PRLR: variants seen among roughly 807,000 people sequenced by gnomAD.
PRLR encodes prolactin receptor.
In PRLR, 13 loss-of-function variants were observed where a neutral mutation model predicts 40.2. That is an observed-to-expected ratio of 0.32 (90% CI 0.21 to 0.51). The LOEUF is 0.51. Among genes scored for constraint, PRLR ranks in the 20% least tolerant of loss-of-function variants. PRLR has a pLI of 0.97. For missense variants in PRLR, 656 were observed against 747.3 expected, an observed-to-expected ratio of 0.88 and a Z score of 1.42; for synonymous variants, 269 against 278.7, an observed-to-expected ratio of 0.97 and a Z score of 0.35.
downstream of PRLR, among the ~76,000 whole-genome samples, chr5:35,052,673 T>A (rs1220402579): frequency 2.0e-5 from 3 of 152,186 alleles, no homozygotes; most frequent in African/African-American, 7.2e-5. Context: ...AAAAACTGAC[T>A]GTAGATAACC....
At position 35,060,919 on chromosome 5, in the gene PRLR, G is replaced by A. The variant is rs1319538898; in HGVS notation, c.*4170C>T. On this transcript the variant is annotated 3_prime_UTR_variant, in exon 10 of 10. Coordinates refer to ENST00000618457, the MANE Select transcript of PRLR (RefSeq NM_000949.7). ...GGTATGGAGAGTCTCAAATCACAGGGTGGCAGGTTTATCCCCAAATCACAG... is the reference window on the plus strand; with the variant it reads ...GGTATGGAGAGTCTCAAATCACAGGATGGCAGGTTTATCCCCAAATCACAG... 6.6e-6 allele frequency: 1 copy of A among 152,158 alleles called. No homozygotes were observed. Among genetic ancestry groups the A allele is most frequent in the South Asian group, 2.1e-4 (1 of 4,824 alleles). The allele number at this position is 152,158 out of a possible 1,614,324, so 9.4% of individuals were successfully genotyped here.
intron 1 of PRLR, among the ~76,000 whole-genome samples, chr5:35,118,428 C>A (rs1579691551): frequency 6.6e-6 from 1 of 152,006 alleles, no homozygotes; most frequent in South Asian, 2.1e-4. Flanking sequence ...AAAGTTACTT[C>A]CTAATTATTT....
chr5:35,153,342 A>AT (rs1270651525), intron 1 of PRLR, among the ~76,000 whole-genome samples: 2 of 152,128 alleles, frequency 1.3e-5, no homozygotes, highest in African/African-American at 2.4e-5. Flanking sequence ...TTGCCTTCTC[A>AT]TGTTGCCCCC....
At chr5:35,216,959 G>A (rs891926525) in intron 1 of PRLR, among the ~76,000 whole-genome samples, 2 of 152,142 alleles carry the variant, frequency 1.3e-5, no homozygotes, top group Non-Finnish European at 1.5e-5. Flanking sequence ...AAATGAAGGT[G>A]GTAGGGTAAT....
intron 1 of PRLR, among the ~76,000 whole-genome samples, chr5:35,172,097 T>C (rs1775013857): frequency 6.6e-6 from 1 of 152,110 alleles, no homozygotes; most frequent in Non-Finnish European, 1.5e-5. Flanking sequence ...TTTCAGAAAA[T>C]GTGAGCATGT....
chr5:35,199,117 T>G (rs758917349), intron 1 of PRLR, among the ~76,000 whole-genome samples: 14 of 152,156 alleles, frequency 9.2e-5, no homozygotes, highest in Non-Finnish European at 1.3e-4. Context: ...AGAAATGCAG[T>G]TCTGAGCTTC....
intron 1 of PRLR, among the ~76,000 whole-genome samples, chr5:35,209,723 G>A (rs1044118699): frequency 2.0e-5 from 3 of 152,188 alleles, no homozygotes; most frequent in African/African-American, 4.8e-5. Flanking sequence ...TCATTTCCAC[G>A]ATCCAGAAGG....
chr5:35,201,538 C>A (rs908258874), intron 1 of PRLR, among the ~76,000 whole-genome samples: 3 of 152,148 alleles, frequency 2.0e-5, no homozygotes, highest in Non-Finnish European at 4.4e-5. Context: ...TTTCCATTTT[C>A]TCCATGAAGA....
At chr5:35,084,663 A>G (rs768103263) in intron 4 of PRLR, 24 bp from the exon 5 acceptor site, 2 of 1,595,254 alleles carry the variant, frequency 1.3e-6, no homozygotes, top group East Asian at 2.3e-5. Context: ...TGTATTAGGA[A>G]TGAATAAGAA....
downstream of PRLR, among the ~76,000 whole-genome samples, chr5:35,050,832 G>C (rs997713125): frequency 1.3e-5 from 2 of 152,268 alleles, no homozygotes; most frequent in East Asian, 3.9e-4. Flanking sequence ...AAGGAAAATT[G>C]TTTTGGAAGG....
chr5:35,140,496 G>T (rs954694341), intron 1 of PRLR, among the ~76,000 whole-genome samples: 1 of 152,178 alleles, frequency 6.6e-6, no homozygotes, highest in African/African-American at 2.4e-5. Flanking sequence ...TCTTGGTTGG[G>T]TTGTCTCATC....
rs772553198 is a variant in PRLR at position 35,065,475 on chromosome 5, G to T, written c.1483C>A (p.Pro495Thr). ...ETDQDTPWLL[P>T]QEKTPFGSAK... is the part of the protein sequence containing the mutation. ...GAGCCAAAGGGGGTTTTCTCCTGGGGCAGCAGCCAGGGCGTATCCTGGTCA... is the reference window on the plus strand; with the variant it reads ...GAGCCAAAGGGGGTTTTCTCCTGGGTCAGCAGCCAGGGCGTATCCTGGTCA... The change falls in exon 10 of 10, where the codon CCC (proline) becomes ACC (threonine). Residue 495 changes from proline to threonine, a missense_variant. Around this residue, in one of 3 missense-constraint regions of PRLR, gnomAD observed 469 missense variants for 491.5 expected, o/e 0.95. Coordinates refer to ENST00000618457, the MANE Select transcript of PRLR (RefSeq NM_000949.7). 12 of 1,614,126 alleles carry T rather than the reference G, an allele frequency of 7.4e-6. No individual in the cohort carries two copies. Among genetic ancestry groups the T allele is most frequent in the Middle Eastern group, 3.3e-4 (2 of 6,062 alleles).
intron 1 of PRLR, among the ~76,000 whole-genome samples, chr5:35,120,283 C>A (rs1487224294): frequency 6.6e-6 from 1 of 152,158 alleles, no homozygotes; most frequent in Non-Finnish European, 1.5e-5. Context: ...TCTTCCCTCT[C>A]CACTCTTCTT....
In PRLR at chr5:35,064,409, A is replaced by T. The variant is rs1769222889; in HGVS notation, c.*680T>A. The T allele has an allele frequency of 6.6e-6, 1 of 152,382 alleles. No individual in the cohort carries two copies. The highest frequency in any genetic ancestry group is 1.5e-5 in the Non-Finnish European group (1 of 68,044). The allele number at this position is 152,382 out of a possible 1,614,324, so 9.4% of individuals were successfully genotyped here. ...ATGAAATTCATTTGCCCCTTGTGTAAGAACATTTTTATTTCCAAACTATAT... is the reference window on the plus strand; with the variant it reads ...ATGAAATTCATTTGCCCCTTGTGTATGAACATTTTTATTTCCAAACTATAT... On this transcript the variant is annotated 3_prime_UTR_variant, in exon 10 of 10. Transcript: ENST00000618457.
Position 35,139,541 on chromosome 5 carries a change from A to G in PRLR, c.-105-21419T>C, listed in dbSNP as rs147979239. ...AGAAAGAAAAAACCCCACATACTAT[A>G]AAATAATCCAGATACAAACATAAAA... On this transcript the variant is annotated intron_variant, in intron 1 of 9. Coordinates refer to ENST00000618457, the MANE Select transcript of PRLR (RefSeq NM_000949.7). Among the ~76,000 whole-genome samples the G allele has an allele frequency of 5.0e-4, 76 of 152,366 alleles. 2 individuals carry two copies. In the East Asian group the frequency reaches 0.014, roughly 28 times the overall value.
intron 1 of PRLR, among the ~76,000 whole-genome samples, chr5:35,157,452 A>G (rs560025063): frequency 6.6e-6 from 1 of 152,268 alleles, no homozygotes; most frequent in African/African-American, 2.4e-5. Flanking sequence ...CCTTCCAGGG[A>G]GGACTTGCCC....
At chr5:35,137,291 A>T (rs1311572017) in intron 1 of PRLR, among the ~76,000 whole-genome samples, 2 of 152,220 alleles carry the variant, frequency 1.3e-5, no homozygotes, top group African/African-American at 4.8e-5. Flanking sequence ...CTGTTTAAAT[A>T]AGTCTGAACT....
intron 1 of PRLR, among the ~76,000 whole-genome samples, chr5:35,129,755 G>C (rs1346217906): frequency 1.3e-5 from 2 of 151,622 alleles, no homozygotes; most frequent in Non-Finnish European, 2.9e-5. Flanking sequence ...GCCAGTGACA[G>C]AGTAACTTTA....
intron 1 of PRLR, among the ~76,000 whole-genome samples, chr5:35,190,615 G>A (rs1239032248): frequency 1.3e-5 from 2 of 148,302 alleles, no homozygotes; most frequent in Non-Finnish European, 1.5e-5. Flanking sequence ...TTTGCCTCAG[G>A]AAAAAAAAAA....
Sources: gnomAD v4.1 joint callset for allele counts (sites outside exome capture counted in the v4.1 genomes callset) on GRCh38, gnomAD v4.1.1 for gene constraint, gnomAD v4.1.1 regional missense constraint, MANE v1.5 for transcripts, NCBI Gene and HGNC (gene_info 2026-07-23, HGNC 2026-07-21) for gene names.